ARID2: variants seen among roughly 807,000 people sequenced by gnomAD.
The protein encoded by ARID2 is AT-rich interaction domain 2.
ARID2 carries 32 observed loss-of-function variants against 184.6 expected under a neutral mutation model. That is an observed-to-expected ratio of 0.17 (90% CI 0.13 to 0.23). The LOEUF is 0.23. Ranked by LOEUF, ARID2 falls within the 10% of genes least tolerant of loss-of-function variation. The probability of loss-of-function intolerance (pLI) is 1.00; values close to 1 mark genes in which losing one functional copy is unlikely to be tolerated. For missense variants in ARID2, 1,696 were observed against 2,197.6 expected (o/e 0.77, Z 4.56); for synonymous variants, 836 against 772.6 (o/e 1.08, Z -1.36).
At chr12:45,815,823 G>T (rs1261792321) in intron 4 of ARID2, among the ~76,000 whole-genome samples, 1 of 152,024 alleles carries the variant, frequency 6.6e-6, no homozygotes, top group African/African-American at 2.4e-5. Context: ...ACCACAACTA[G>T]CTAAATGTTA....
At chr12:45,785,819 G>C (rs765166680) in intron 3 of ARID2, among the ~76,000 whole-genome samples, 1 of 152,076 alleles carries the variant, frequency 6.6e-6, no homozygotes, top group Non-Finnish European at 1.5e-5. Context: ...TAGTACTTAG[G>C]TCTTATATTT....
intron 16 of ARID2, among the ~76,000 whole-genome samples, chr12:45,889,880 T>C (rs751535076): frequency 3.9e-5 from 6 of 152,138 alleles, no homozygotes; most frequent in Non-Finnish European, 5.9e-5. Flanking sequence ...AGAAGTTGCA[T>C]TGAGTCGAGA....
chr12:45,765,763 A>T (rs1360527741), intron 3 of ARID2, among the ~76,000 whole-genome samples: 1 of 152,150 alleles, frequency 6.6e-6, no homozygotes, highest in African/African-American at 2.4e-5. Flanking sequence ...ATCCTGTGAA[A>T]CTATTAACAC....
At chr12:45,787,666 A>T (rs1349249984) in intron 3 of ARID2, among the ~76,000 whole-genome samples, 2 of 152,154 alleles carry the variant, frequency 1.3e-5, no homozygotes, top group African/African-American at 4.8e-5. Context: ...AAATTATTTA[A>T]CTACCTAAAC....
intron 2 of ARID2, among the ~76,000 whole-genome samples, chr12:45,730,818 G>GCC (rs764003087): frequency 1.4e-5 from 2 of 141,368 alleles, no homozygotes; most frequent in Admixed American, 1.4e-4. Context: ...CCCAGCCCCG[G>GCC]CCCCCCCCCC....
intron 3 of ARID2, among the ~76,000 whole-genome samples, chr12:45,790,881 C>G (rs1418926152): frequency 6.6e-6 from 1 of 152,044 alleles, no homozygotes; most frequent in Non-Finnish European, 1.5e-5. Context: ...TAAGGAAATT[C>G]TGTTCCTACT....
At chr12:45,815,662 C>A (rs1371500387) in intron 4 of ARID2, among the ~76,000 whole-genome samples, 2 of 151,546 alleles carry the variant, frequency 1.3e-5, no homozygotes, top group Non-Finnish European at 2.9e-5. Flanking sequence ...CCGAAATATT[C>A]TTTTGTTATT....
intron 3 of ARID2, among the ~76,000 whole-genome samples, chr12:45,808,181 T>A (rs1384444211): frequency 6.6e-6 from 1 of 152,192 alleles, no homozygotes; most frequent in Non-Finnish European, 1.5e-5. Context: ...AAACTCAAGG[T>A]CATGTTAGGG....
rs150839528 is a variant in ARID2 at position 45,759,150 on chromosome 12, C to G, written c.284+27836C>G. On this transcript the variant is annotated intron_variant, in intron 3 of 20. Transcript: ENST00000334344. ...GTTTTCACGTAAATAATAGATTGTA[C>G]TTTATAGAAATTACTTTTTAAGTAT... 1.4e-3 allele frequency among the ~76,000 whole-genome samples: 211 copies of G among 152,144 alleles called. 1 individual carries two copies. The East Asian group carries it at 0.023, about 16-fold the overall frequency.
intron 5 of ARID2, among the ~76,000 whole-genome samples, chr12:45,819,750 T>G (rs897135959): frequency 2.0e-5 from 3 of 151,728 alleles, no homozygotes; most frequent in Middle Eastern, 3.4e-3. Context: ...TTTTTGGGTT[T>G]TTTTTTTTTA....
At chr12:45,888,194 C>G (rs1186706455) in intron 16 of ARID2, among the ~76,000 whole-genome samples, 1 of 97,822 alleles carries the variant, frequency 1.0e-5, no homozygotes, top group East Asian at 3.3e-4. Context: ...GACTCCGTCT[C>G]AAAAAAAAAA....
chr12:45,826,297 C>T (rs577677325), intron 6 of ARID2, among the ~76,000 whole-genome samples: 19 of 152,064 alleles, frequency 1.2e-4, no homozygotes, highest in Non-Finnish European at 2.2e-4. Context: ...AATGTCTCTT[C>T]AGAGATGTAT....
At position 45,851,246 on chromosome 12, in the gene ARID2, A is replaced by C. The variant is rs564816573; in HGVS notation, c.3123A>C (p.Gln1041His). Residue 1041 changes from glutamine to histidine, a missense_variant, in exon 15 of 21, where the codon CAA becomes CAC. By Grantham distance (24) the Gln-to-His change is conservative (BLOSUM62 0). Transcript: ENST00000334344. ...CCCAACAAGTACAGATGCAAGTTCAACCTCAACAGTCGAATGCAGGAGTTG... is the reference window on the plus strand; with the variant it reads ...CCCAACAAGTACAGATGCAAGTTCACCCTCAACAGTCGAATGCAGGAGTTG... Reference protein sequence around the residue: ...QQPQQVQMQVQPQQSNAGVGQ... With the variant: ...QQPQQVQMQVHPQQSNAGVGQ... 1 of 1,614,040 alleles carries C rather than the reference A, an allele frequency of 6.2e-7. No individual in the cohort carries two copies. Among genetic ancestry groups the C allele is most frequent in the Non-Finnish European group, 8.5e-7 (1 of 1,180,020 alleles).
At chr12:45,789,614 G>A (rs923697886) in intron 3 of ARID2, 22 of 152,024 alleles carry the variant, frequency 1.4e-4, no homozygotes, top group African/African-American at 4.8e-4. Flanking sequence ...TGGTCTGCCT[G>A]AACTACCAAT....
At chr12:45,795,440 A>C (rs762982693) in intron 3 of ARID2, among the ~76,000 whole-genome samples, 16 of 145,328 alleles carry the variant, frequency 1.1e-4, no homozygotes, top group East Asian at 2.0e-4. Flanking sequence ...TTTCTTTTTT[A>C]TTTTTTTTTT....
intron 4 of ARID2, among the ~76,000 whole-genome samples, chr12:45,815,698 G>A (rs75723607): frequency 0.016 from 2,377 of 152,114 alleles, 31 homozygotes; most frequent in South Asian, 0.049. Context: ...GTCTCACTTC[G>A]TCGCTCAGGC....
intron 20 of ARID2, 28 bp downstream of exon 20, chr12:45,893,749 G>C (rs2136463350): frequency 1.4e-6 from 2 of 1,460,682 alleles, no homozygotes; most frequent in Non-Finnish European, 1.8e-6. Flanking sequence ...TGTAGCCAAA[G>C]TGAATTTAGT....
chr12:45,901,601 A>G (rs753617331), intron 20 of ARID2, among the ~76,000 whole-genome samples: 7 of 151,632 alleles, frequency 4.6e-5, no homozygotes, highest in African/African-American at 7.3e-5. Flanking sequence ...TTTTTTCCCA[A>G]TCTGTGTATG....
chr12:45,771,455 A>C (rs1218720143), intron 3 of ARID2, among the ~76,000 whole-genome samples: 2 of 151,420 alleles, frequency 1.3e-5, no homozygotes, highest in Non-Finnish European at 2.9e-5. Context: ...ACCAGAGGCC[A>C]GGAGTTTGAG....
Sources: allele counts gnomAD v4.1 joint callset (sites outside exome capture counted in the v4.1 genomes callset), GRCh38; gene constraint gnomAD v4.1.1; transcripts MANE v1.5; gene names NCBI Gene and HGNC (gene_info 2026-07-23, HGNC 2026-07-21).